Variants in GLI3 observed in about 807,000 individuals in gnomAD.
The protein encoded by GLI3 is transcription activator GLI3.
Under a neutral mutation model 100.8 loss-of-function variants are expected in GLI3, and 20 were observed. That is an observed-to-expected ratio of 0.20 (90% CI 0.14 to 0.29). GLI3 has a LOEUF of 0.29. GLI3 is among the 10% of genes least tolerant of loss of function. The pLI is 1.00. For synonymous variants in GLI3, 938 were observed against 860.5 expected (o/e 1.09, Z -1.58); for missense variants, 2,040 against 2,128.5 (o/e 0.96, Z 0.82).
At chr7:42,164,597 G>A (rs1033117043) in intron 2 of GLI3, among the ~76,000 whole-genome samples, 5 of 151,726 alleles carry the variant, frequency 3.3e-5, no homozygotes, top group East Asian at 2.0e-4. Context: ...TTGGGAGGCC[G>A]AGGCAGGCGG....
intron 4 of GLI3, among the ~76,000 whole-genome samples, chr7:42,060,549 C>G (rs775100006): frequency 2.0e-5 from 3 of 151,934 alleles, no homozygotes; most frequent in Non-Finnish European, 4.4e-5. Flanking sequence ...ATAGAGAAAA[C>G]AAAAATTTTT....
intron 2 of GLI3, among the ~76,000 whole-genome samples, chr7:42,154,365 T>C (rs1340437776): frequency 6.6e-6 from 1 of 152,222 alleles, no homozygotes; most frequent in South Asian, 2.1e-4. Flanking sequence ...GCTTTGTGTG[T>C]TCCAGGCATT....
chr7:42,223,150 G>C lies in GLI3; in HGVS notation c.104C>G (p.Ala35Gly). Residue 35 changes from alanine (A) to glycine (G), a missense_variant, in exon 2 of 15, where the codon GCC (alanine) becomes GGC (glycine). Physicochemically the swap from Ala to Gly is moderately conservative, Grantham distance 60. Around this residue, in one of 5 missense-constraint regions of GLI3, gnomAD observed 603 missense variants for 690.9 expected, o/e 0.87. Transcript: ENST00000395925. Reference protein sequence around the residue: ...TRTDVSEKAVASSTTSNEDES... With the variant: ...TRTDVSEKAVGSSTTSNEDES... ...CTCACCATTAGAAGTGGTGCTGGAG[G>C]CAACGGCTTTCTCGCTCACATCTGT... 6.2e-7 allele frequency: 1 copy of C among 1,614,010 alleles called. No individual in the cohort carries two copies.
chr7:42,112,954 C>T (rs1438076867), intron 3 of GLI3, among the ~76,000 whole-genome samples: 3 of 152,130 alleles, frequency 2.0e-5, no homozygotes, highest in Admixed American at 6.5e-5. Flanking sequence ...GGGCGGATCA[C>T]TTGAGGTCAG....
chr7:42,109,350 T>C (rs1785649305), intron 3 of GLI3, among the ~76,000 whole-genome samples: 1 of 152,148 alleles, frequency 6.6e-6, no homozygotes, highest in Admixed American at 6.6e-5. Context: ...TTTTGGAAAG[T>C]AGAATTCCTG....
chr7:42,215,613 C>T (rs2128699569), intron 2 of GLI3, among the ~76,000 whole-genome samples: 1 of 152,304 alleles, frequency 6.6e-6, no homozygotes. Flanking sequence ...AACCCAGAAA[C>T]ATCCCATCCA....
intron 1 of GLI3, among the ~76,000 whole-genome samples, chr7:42,248,303 G>A (rs1788995478): frequency 6.6e-6 from 1 of 152,154 alleles, no homozygotes; most frequent in African/African-American, 2.4e-5. Context: ...CAGGAGTGGA[G>A]ATACTGACTA....
intron 4 of GLI3, among the ~76,000 whole-genome samples, chr7:42,063,195 C>T (rs1188301263): frequency 1.3e-5 from 2 of 152,154 alleles, no homozygotes; most frequent in African/African-American, 2.4e-5. Flanking sequence ...TACATTCTTG[C>T]AACTAGGTCC....
intron 2 of GLI3, among the ~76,000 whole-genome samples, chr7:42,210,351 C>CACA (rs1554340079): frequency 2.5e-5 from 2 of 80,970 alleles, no homozygotes; most frequent in Non-Finnish European, 5.7e-5. Context: ...CCCCCCCCCC[C>CACA]CCCAAGTTAA....
intron 1 of GLI3, among the ~76,000 whole-genome samples, chr7:42,254,061 A>C (rs922342923): frequency 6.6e-6 from 1 of 152,066 alleles, no homozygotes; most frequent in Non-Finnish European, 1.5e-5. Flanking sequence ...CTTTGCTAAA[A>C]ATACAAAATT....
chr7:42,155,973 T>C (rs2128790958), intron 2 of GLI3, among the ~76,000 whole-genome samples: 1 of 152,192 alleles, frequency 6.6e-6, no homozygotes, highest in East Asian at 1.9e-4. Context: ...TGCAGCCCCA[T>C]CTCTACCCCC....
intron 2 of GLI3, among the ~76,000 whole-genome samples, chr7:42,185,331 C>T (rs1485736668): frequency 6.6e-6 from 1 of 152,168 alleles, no homozygotes; most frequent in Non-Finnish European, 1.5e-5. Flanking sequence ...CCTAAAAGAC[C>T]GCTTCCTTCT....
chr7:42,249,397 A>G (rs1303047145), intron 1 of GLI3, among the ~76,000 whole-genome samples: 3 of 152,210 alleles, frequency 2.0e-5, no homozygotes, highest in Non-Finnish European at 4.4e-5. Flanking sequence ...CCCCTCAACC[A>G]TTAAAAAATA....
At chr7:42,076,413 A>G (rs1203297072) in intron 4 of GLI3, among the ~76,000 whole-genome samples, 1 of 152,234 alleles carries the variant, frequency 6.6e-6, no homozygotes, top group Admixed American at 6.5e-5. Flanking sequence ...GAACATAACA[A>G]ACTTCAAACC....
rs551991952 is a variant in GLI3 at position 42,035,138 on chromosome 7, T to G, written c.1028+4900A>C. 2.0e-5 allele frequency among the ~76,000 whole-genome samples: 3 copies of G among 152,148 alleles called. No individual in the cohort carries two copies. The South Asian group carries it at 6.2e-4, about 32-fold the overall frequency. On this transcript the variant is annotated intron_variant, in intron 7 of 14. Coordinates refer to ENST00000395925, the MANE Select transcript of GLI3 (RefSeq NM_000168.6). ...CGGGGAAGGGAATGTCATCTCCAAA[T>G]TTTTAGAAGACAGAATGAGAATTTT... is the stretch of plus-strand genomic sequence containing the variant.
chr7:42,227,917 G>A (rs1222807476), intron 1 of GLI3, among the ~76,000 whole-genome samples: 1 of 152,196 alleles, frequency 6.6e-6, no homozygotes. Context: ...TGCTCAGGTT[G>A]TACGGGTATG....
intron 2 of GLI3, among the ~76,000 whole-genome samples, chr7:42,167,561 A>C (rs1481547343): frequency 2.0e-5 from 3 of 152,256 alleles, no homozygotes; most frequent in Non-Finnish European, 4.4e-5. Flanking sequence ...TGAAAGATTA[A>C]AGAATAAAAA....
At chr7:42,235,040 C>T (rs1454040647) in intron 1 of GLI3, among the ~76,000 whole-genome samples, 1 of 152,108 alleles carries the variant, frequency 6.6e-6, no homozygotes, top group African/African-American at 2.4e-5. Flanking sequence ...AAACCAGTCC[C>T]GGCAGCTTTA....
intron 1 of GLI3, among the ~76,000 whole-genome samples, chr7:42,227,958 C>T (rs1788616038): frequency 6.6e-6 from 1 of 152,198 alleles, no homozygotes; most frequent in East Asian, 1.9e-4. Flanking sequence ...CGCTCTTTCT[C>T]TGCGCTTTCC....
Sources: allele counts gnomAD v4.1 joint callset (sites outside exome capture counted in the v4.1 genomes callset), GRCh38; gene constraint gnomAD v4.1.1; regional missense constraint gnomAD v4.1.1; transcripts MANE v1.5; gene names NCBI Gene and HGNC (gene_info 2026-07-23, HGNC 2026-07-21).